SLC14A2: variants seen among roughly 807,000 people sequenced by gnomAD.
SLC14A2 encodes urea transporter 2.
In SLC14A2, 91 loss-of-function variants were observed where a neutral mutation model predicts 104.6. The ratio of observed to expected loss-of-function variants is 0.87; its 90% CI spans 0.73 to 1.04. The LOEUF is 1.04. SLC14A2 is among the 50% of genes least tolerant of loss of function. SLC14A2 has a pLI of 0.00. For missense variants in SLC14A2, 1,189 were observed against 1,156.0 expected, an observed-to-expected ratio of 1.03 and a Z score of -0.41; for synonymous variants, 476 against 466.4, an observed-to-expected ratio of 1.02 and a Z score of -0.27.
intron 1 of SLC14A2, among the ~76,000 whole-genome samples, chr18:45,277,498 T>C (rs1196843819): frequency 6.6e-6 from 1 of 152,194 alleles, no homozygotes; most frequent in African/African-American, 2.4e-5. Flanking sequence ...ATCCACCAAC[T>C]CCTGGGCTCA....
chr18:45,201,551 AGTGTGT>A, the SLC14A2 span, among the ~76,000 whole-genome samples: 95 of 149,614 alleles, frequency 6.3e-4, no homozygotes, highest in African/African-American at 2.2e-3. Context: ...GTATGTGTGT[AGTGTGT>A]GTGTGTGTGT....
intron 1 of SLC14A2, among the ~76,000 whole-genome samples, chr18:45,439,384 C>T (rs567732719): frequency 6.6e-6 from 1 of 152,288 alleles, no homozygotes; most frequent in East Asian, 1.9e-4. Flanking sequence ...AGGCATTTGG[C>T]TCTCAGAGAA....
chr18:45,542,483 AT>A (rs1455659293), intron 2 of SLC14A2: 1 of 152,194 alleles, frequency 6.6e-6, no homozygotes, highest in Non-Finnish European at 1.5e-5. Context: ...TGATTTGTGT[AT>A]TCTCTTTTCT....
In SLC14A2 at chr18:45,643,113, G is replaced by T; in HGVS notation, c.1127-19G>T. 6.2e-7 allele frequency: 1 copy of T among 1,613,880 alleles called. No homozygotes were observed. The highest frequency in any genetic ancestry group is 1.1e-5 in the South Asian group (1 of 91,076). On this transcript the variant is annotated intron_variant, in intron 8 of 19. Transcript: ENST00000255226. The stretch of plus-strand genomic sequence containing the variant: ...AAGGCCCTGGGAAGCTCACTCTGGT[G>T]ATCCTTGTTCCTCCACAGCCCTGTT...
chr18:45,241,185 G>T (rs1295123341), intron 1 of SLC14A2, among the ~76,000 whole-genome samples: 1 of 152,230 alleles, frequency 6.6e-6, no homozygotes, highest in Non-Finnish European at 1.5e-5. Flanking sequence ...TGATGAGCTG[G>T]CACTGCAATG....
chr18:45,551,001 G>A (rs898675774), intron 2 of SLC14A2, among the ~76,000 whole-genome samples: 14 of 152,196 alleles, frequency 9.2e-5, no homozygotes, highest in Admixed American at 8.5e-4. Flanking sequence ...GAGGTGACAT[G>A]AGCTGGGCTG....
intron 1 of SLC14A2, among the ~76,000 whole-genome samples, chr18:45,414,498 T>C (rs1474975442): frequency 1.3e-5 from 2 of 151,912 alleles, no homozygotes; most frequent in Non-Finnish European, 2.9e-5. Flanking sequence ...TCTTCCTACC[T>C]ATCCATCCAT....
At chr18:45,217,942 T>C (rs1297005635) in intron 1 of SLC14A2, among the ~76,000 whole-genome samples, 2 of 152,240 alleles carry the variant, frequency 1.3e-5, no homozygotes, top group South Asian at 2.1e-4. Flanking sequence ...TTATTCAGAG[T>C]CTCCTTTCTC....
chr18:45,419,495 C>A lies in SLC14A2; in HGVS notation c.-124-63738C>A, dbSNP rs143624725. Among the ~76,000 whole-genome samples the A allele has an allele frequency of 3.1e-3, 479 of 152,304 alleles. 3 individuals carry two copies. Among genetic ancestry groups the A allele is most frequent in the African/African-American group, 0.011 (456 of 41,566 alleles). On this transcript the variant is annotated intron_variant, in intron 1 of 20. Coordinates refer to the SLC14A2 transcript ENST00000586448. ...GAACTTTTAAAACATTTTATCAGGT[C>A]GGGCGTGGTGGCTCATGCCTATAAT...
chr18:45,420,240 A>G (rs761306321), intron 1 of SLC14A2, among the ~76,000 whole-genome samples: 6 of 152,220 alleles, frequency 3.9e-5, no homozygotes, highest in Non-Finnish European at 8.8e-5. Context: ...GAGTGGCCTC[A>G]AAACATGGTG....
At position 45,636,479 on chromosome 18, in the gene SLC14A2, C is replaced by A. The variant is rs188580060; in HGVS notation, c.651-511C>A. On this transcript the variant is annotated intron_variant, in intron 5 of 19. Coordinates refer to ENST00000255226, the MANE Select transcript of SLC14A2 (RefSeq NM_007163.4). ...AAACAACTGAAGGTTCTATTTTCCC[C>A]TGGCAGTTTCCAGAGTAGCTCTAAG... Among the ~76,000 whole-genome samples, 310 of 152,282 alleles carry A rather than the reference C, an allele frequency of 2.0e-3. 1 individual carries two copies. The highest frequency in any genetic ancestry group is 7.1e-3 in the African/African-American group (295 of 41,556).
chr18:45,437,640 G>A (rs1378102647), intron 1 of SLC14A2, among the ~76,000 whole-genome samples: 1 of 152,226 alleles, frequency 6.6e-6, no homozygotes, highest in African/African-American at 2.4e-5. Context: ...CCGCCCTCCA[G>A]CCGCACCAGC....
intron 1 of SLC14A2, among the ~76,000 whole-genome samples, chr18:45,250,755 C>CTTTTTTTTTTTTTTTTTTTTTTTTTT (rs67864793): frequency 4.3e-5 from 4 of 93,888 alleles, no homozygotes; most frequent in African/African-American, 1.7e-4. Flanking sequence ...TGGCTTCTTC[C>CTTTTTTTTTTTTTTTTTTTTTTTTTT]TTTTTTTTTT....
chr18:45,555,202 A>G (rs571346036), intron 2 of SLC14A2, among the ~76,000 whole-genome samples: 25 of 152,370 alleles, frequency 1.6e-4, no homozygotes, highest in African/African-American at 5.5e-4. Flanking sequence ...GGTACAAGGT[A>G]GCATACCCTC....
At chr18:45,669,196 C>T in intron 15 of SLC14A2, 110 bp from the exon 16 acceptor site, 1 of 859,820 alleles carries the variant, frequency 1.2e-6, no homozygotes, top group Non-Finnish European at 1.8e-6. Context: ...CAGAGAATAC[C>T]CAGCAGGCTG....
chr18:45,376,335 T>A (rs1447714745), intron 1 of SLC14A2, among the ~76,000 whole-genome samples: 1 of 152,148 alleles, frequency 6.6e-6, no homozygotes, highest in African/African-American at 2.4e-5. Flanking sequence ...TCAGAAAGTG[T>A]TTGAGAAATG....
At chr18:45,408,932 T>C (rs2086185064) in intron 1 of SLC14A2, among the ~76,000 whole-genome samples, 2 of 152,206 alleles carry the variant, frequency 1.3e-5, no homozygotes, top group South Asian at 4.1e-4. Context: ...GAGGTGTACA[T>C]TGAGCACAAC....
At chr18:45,370,658 A>C (rs2085713266) in intron 1 of SLC14A2, among the ~76,000 whole-genome samples, 1 of 152,048 alleles carries the variant, frequency 6.6e-6, no homozygotes, top group Non-Finnish European at 1.5e-5. Flanking sequence ...GAAAGAGTGC[A>C]CTTCACGCGG....
At chr18:45,600,679 G>A (rs910853430) in intron 2 of SLC14A2, among the ~76,000 whole-genome samples, 7 of 152,176 alleles carry the variant, frequency 4.6e-5, no homozygotes, top group Non-Finnish European at 7.4e-5. Flanking sequence ...GGCTCCAAGA[G>A]GTGGGGAATA....
Sources: gnomAD v4.1 joint callset for allele counts (sites outside exome capture counted in the v4.1 genomes callset) on GRCh38, gnomAD v4.1.1 for gene constraint, MANE v1.5 for transcripts, NCBI Gene and HGNC (gene_info 2026-07-23, HGNC 2026-07-21) for gene names.